The following ITCH variants were observed in gnomAD, a reference collection of about 807,000 sequenced individuals.
ITCH encodes E3 ubiquitin-protein ligase Itchy homolog.
Under a neutral mutation model 126.8 loss-of-function variants are expected in ITCH, and 28 were observed. The ratio of observed to expected loss-of-function variants is 0.22; its 90% confidence interval spans 0.16 to 0.30. ITCH has a LOEUF of 0.30. ITCH is among the 10% of genes least tolerant of loss of function. ITCH has a pLI of 1.00. For missense variants in ITCH, 631 were observed against 1,032.4 expected, an observed-to-expected ratio of 0.61 and a Z score of 5.33; for synonymous variants, 342 against 340.0, an observed-to-expected ratio of 1.01 and a Z score of -0.06.
At chr20:34,402,090 A>G in intron 3 of ITCH, 3 of 800,202 alleles carry the variant, frequency 3.7e-6, no homozygotes, top group South Asian at 1.4e-5. Context: ...TGACTTAAAC[A>G]TTGCTTTTAG....
At chr20:34,490,094 A>G (rs1421322841) in intron 22 of ITCH, among the ~76,000 whole-genome samples, 168 bp downstream of exon 22, 11 of 152,228 alleles carry the variant, frequency 7.2e-5, no homozygotes, top group Admixed American at 1.3e-4. Flanking sequence ...TTTTAAGACT[A>G]TTGCCAAGTA....
At chr20:34,472,160 G>T (rs1987694587) in intron 16 of ITCH, among the ~76,000 whole-genome samples, 1 of 151,996 alleles carries the variant, frequency 6.6e-6, no homozygotes, top group African/African-American at 2.4e-5. Flanking sequence ...TACATCACCT[G>T]AGGTCAGGAG....
chr20:34,418,071 A>G (rs1980195876), intron 6 of ITCH, among the ~76,000 whole-genome samples: 1 of 149,808 alleles, frequency 6.7e-6, no homozygotes, highest in Non-Finnish European at 1.5e-5. Flanking sequence ...GGCTCAAGTG[A>G]TCCTTCCACC....
rs576420512 is a variant in ITCH, at chr20:34,381,761, G to A, written c.-21-12030G>A. 2.6e-5 allele frequency among the ~76,000 whole-genome samples: 4 copies of A among 151,366 alleles called. No homozygotes were observed. In the South Asian group the frequency reaches 8.4e-4, roughly 32 times the overall value. Reference sequence around the variant, plus strand: ...TATGTAGTCCCAGCTATTTGGGGGAGAATGAGGCAGTAGGATCCCTTGAGC... The same window carrying A: ...TATGTAGTCCCAGCTATTTGGGGGAAAATGAGGCAGTAGGATCCCTTGAGC... On this transcript the variant is annotated intron_variant, in intron 2 of 24. Coordinates refer to ENST00000374864, the MANE Select transcript of ITCH (RefSeq NM_031483.7).
rs1161194735 is a variant in ITCH, at chr20:34,404,193, C to T, written c.71-4458C>T. ...GACATTTTTCTGGTCCTTTTTCTTC[C>T]GGTTTATAATGTATAGTTTTTTATT... On this transcript the variant is annotated intron_variant, in intron 3 of 24. Coordinates refer to ENST00000374864, the MANE Select transcript of ITCH (RefSeq NM_031483.7). 3.9e-5 allele frequency among the ~76,000 whole-genome samples: 6 copies of T among 151,912 alleles called. No homozygotes were observed. In the East Asian group the frequency reaches 5.8e-4, roughly 15 times the overall value.
chr20:34,418,459 TC>T (rs1468354666), intron 6 of ITCH, among the ~76,000 whole-genome samples: 1 of 152,146 alleles, frequency 6.6e-6, no homozygotes. Flanking sequence ...TTTTTGTAGT[TC>T]CGCTTAACGT....
intron 3 of ITCH, among the ~76,000 whole-genome samples, chr20:34,397,884 T>C (rs6141468): frequency 2.6e-5 from 4 of 152,190 alleles, no homozygotes; most frequent in South Asian, 2.1e-4. Context: ...ATAAGTAATA[T>C]ACATTTTATT....
At chr20:34,460,387 G>A (rs1398713549) in intron 13 of ITCH, among the ~76,000 whole-genome samples, 2 of 145,482 alleles carry the variant, frequency 1.4e-5, no homozygotes, top group East Asian at 2.0e-4. Flanking sequence ...TAGAGACGGT[G>A]TCTCTATGTT....
intron 6 of ITCH, 143 bp downstream of exon 6, chr20:34,414,022 A>G (rs1162174078): frequency 2.9e-6 from 2 of 687,028 alleles, no homozygotes; most frequent in Non-Finnish European, 4.9e-6. Context: ...TCACGCCTCT[A>G]ATCCCAGCAC....
intron 12 of ITCH, among the ~76,000 whole-genome samples, chr20:34,456,182 GTGTATATATATATATATA>G (rs1240813381): frequency 0.01 from 372 of 37,144 alleles, 3 homozygotes; most frequent in South Asian, 0.02. Context: ...GTGTGTGTGT[GTGTATATATATATATATA>G]TATATATATA....
chr20:34,508,098 T>A lies in ITCH; in HGVS notation c.*304T>A. 2.8e-6 allele frequency: 1 copy of A among 356,610 alleles called. No homozygotes were observed. 22.1% of individuals were successfully genotyped at this position (356,610 alleles called of 1,614,324 possible). A position where few individuals can be genotyped will look rare whatever the true frequency, so the allele number is the denominator to read the frequency against. On this transcript the variant is annotated 3_prime_UTR_variant, in exon 25 of 25. Transcript: ENST00000374864. ...AACAATATTTTATGTGTGTCAAAAG[T>A]CTCACTTGGGAGTAGTGTTTTTTTC...
intron 2 of ITCH, among the ~76,000 whole-genome samples, chr20:34,383,916 C>T (rs968227151): frequency 7.7e-5 from 11 of 143,220 alleles, no homozygotes; most frequent in Non-Finnish European, 1.2e-4. Flanking sequence ...ACAATCTTGG[C>T]TCGTCGCAAC....
chr20:34,430,590 C>T (rs1308969615), intron 7 of ITCH, among the ~76,000 whole-genome samples: 2 of 152,158 alleles, frequency 1.3e-5, no homozygotes, highest in East Asian at 3.9e-4. Context: ...TTTCCTGCCT[C>T]AGCCTCCGAG....
chr20:34,507,250 C>G (rs1054689683), intron 24 of ITCH, among the ~76,000 whole-genome samples: 1 of 112,110 alleles, frequency 8.9e-6, no homozygotes, highest in Admixed American at 9.1e-5. Context: ...CTTTTCAACT[C>G]TTGTTTTCTT....
At chr20:34,393,309 A>G (rs1230021221) in intron 2 of ITCH, among the ~76,000 whole-genome samples, 1 of 152,064 alleles carries the variant, frequency 6.6e-6, no homozygotes, top group Non-Finnish European at 1.5e-5. Flanking sequence ...AGGAGTTTGA[A>G]ACCAGCCTGG....
chr20:34,476,369 C>T (rs984077722), intron 16 of ITCH: 5 of 1,332,046 alleles, frequency 3.8e-6, no homozygotes, highest in South Asian at 1.7e-5. Flanking sequence ...CTCAGCAGGC[C>T]GCTGGCTCCA....
chr20:34,489,009 A>G (rs1989330583), intron 20 of ITCH, among the ~76,000 whole-genome samples: 1 of 152,216 alleles, frequency 6.6e-6, no homozygotes, highest in Non-Finnish European at 1.5e-5. Flanking sequence ...ACTGTGCTTC[A>G]GCTCAGGTGA....
intron 2 of ITCH, among the ~76,000 whole-genome samples, chr20:34,385,947 A>G (rs188370548): frequency 1.3e-5 from 2 of 152,306 alleles, no homozygotes; most frequent in Admixed American, 1.3e-4. Flanking sequence ...CGCCTTCCCT[A>G]TCATGAGGGG....
At chr20:34,475,879 T>TA (rs1000033101) in intron 16 of ITCH, 2 of 968,644 alleles carry the variant, frequency 2.1e-6, no homozygotes, top group African/African-American at 3.3e-5. Flanking sequence ...ATAATAATTA[T>TA]AAAAATAGGT....
Sources: allele counts gnomAD v4.1 joint callset (sites outside exome capture counted in the v4.1 genomes callset), GRCh38; gene constraint gnomAD v4.1.1; transcripts MANE v1.5; gene names NCBI Gene and HGNC (gene_info 2026-07-23, HGNC 2026-07-21).